LYRM4: variants seen among roughly 807,000 people sequenced by gnomAD.
LYRM4 encodes LYR motif containing 4, also known as LYR motif-containing protein 4.
LYRM4 carries 9 observed loss-of-function variants against 11.7 expected under a neutral mutation model. The observed-to-expected ratio is 0.77, with a 90% CI of 0.46 to 1.34. The LOEUF is 1.34. Ranked by LOEUF, LYRM4 falls within the 40% of genes most tolerant of loss-of-function variation. The probability of loss-of-function intolerance (pLI) is 0.00; values close to 1 mark genes in which losing one functional copy is unlikely to be tolerated. For synonymous variants in LYRM4, 42 were observed against 40.4 expected (o/e 1.04, Z -0.15); for missense variants, 133 against 112.5 (o/e 1.18, Z -0.82).
intron 2 of LYRM4, among the ~76,000 whole-genome samples, chr6:5,131,573 C>T (rs983505380): frequency 6.6e-6 from 1 of 152,106 alleles, no homozygotes; most frequent in East Asian, 1.9e-4. Flanking sequence ...CAAAAAAGCT[C>T]CCTCCAAAGA....
chr6:5,160,931 T>C (rs1251439882), intron 2 of LYRM4, among the ~76,000 whole-genome samples: 2 of 152,204 alleles, frequency 1.3e-5, no homozygotes, highest in Non-Finnish European at 2.9e-5. Flanking sequence ...CCATTTTCTG[T>C]ACCCTATGTT....
intron 2 of LYRM4, among the ~76,000 whole-genome samples, chr6:5,146,325 G>A (rs1327305095): frequency 6.6e-6 from 1 of 152,218 alleles, no homozygotes; most frequent in East Asian, 1.9e-4. Flanking sequence ...GAATGGGCCT[G>A]TGCCAGGTCT....
At chr6:5,120,242 C>A (rs1347429708) in intron 2 of LYRM4, among the ~76,000 whole-genome samples, 2 of 152,132 alleles carry the variant, frequency 1.3e-5, no homozygotes, top group African/African-American at 4.8e-5. Flanking sequence ...AAGTCGTGGG[C>A]AGCTAGCAGT....
intron 1 of LYRM4, among the ~76,000 whole-genome samples, chr6:5,232,884 A>C (rs933052655): frequency 2.6e-5 from 4 of 152,372 alleles, no homozygotes; most frequent in Non-Finnish European, 4.4e-5. Context: ...AACAAACAGC[A>C]GCTTCCCTGT....
intron 2 of LYRM4, among the ~76,000 whole-genome samples, chr6:5,152,578 G>A (rs1021324931): frequency 2.6e-5 from 4 of 152,190 alleles, no homozygotes; most frequent in African/African-American, 9.7e-5. Flanking sequence ...CCCCAGCTGC[G>A]TGTCTGTCTC....
At chr6:5,076,152 C>T in the LYRM4 span, among the ~76,000 whole-genome samples, 1 of 152,076 alleles carries the variant, frequency 6.6e-6, no homozygotes, top group Non-Finnish European at 1.5e-5. Context: ...CACCATGTTG[C>T]CCAGGCTGGT....
At chr6:5,226,141 A>G (rs748105873) in intron 1 of LYRM4, among the ~76,000 whole-genome samples, 1 of 152,080 alleles carries the variant, frequency 6.6e-6, no homozygotes, top group Non-Finnish European at 1.5e-5. Context: ...AGAAATGTTC[A>G]CTTTTTGTGT....
intron 1 of LYRM4, among the ~76,000 whole-genome samples, chr6:5,256,234 A>C (rs1238732646): frequency 2.0e-5 from 3 of 152,118 alleles, no homozygotes; most frequent in African/African-American, 7.2e-5. Flanking sequence ...TCATGCCTGT[A>C]ATCCCAGCAC....
At chr6:5,043,696 G>T in the LYRM4 span, among the ~76,000 whole-genome samples, 3 of 151,948 alleles carry the variant, frequency 2.0e-5, no homozygotes, top group Non-Finnish European at 4.4e-5. Flanking sequence ...CCCATTCCTC[G>T]GGAGTCCTCC....
intron 2 of LYRM4, among the ~76,000 whole-genome samples, chr6:5,145,011 T>G (rs1757638785): frequency 6.6e-6 from 1 of 152,180 alleles, no homozygotes; most frequent in Non-Finnish European, 1.5e-5. Context: ...CACTCTTCCC[T>G]GGGAACATAT....
intron 2 of LYRM4, among the ~76,000 whole-genome samples, chr6:5,167,009 C>T (rs913767467): frequency 2.0e-5 from 3 of 152,130 alleles, no homozygotes; most frequent in Non-Finnish European, 2.9e-5. Flanking sequence ...TGAGAGCTGC[C>T]GGCCCAGCCC....
chr6:5,206,933 A>G (rs1465823710), intron 2 of LYRM4, among the ~76,000 whole-genome samples: 1 of 152,132 alleles, frequency 6.6e-6, no homozygotes, highest in Admixed American at 6.5e-5. Flanking sequence ...GAAGATATAC[A>G]ATTTCTGACA....
the LYRM4 span, chr6:5,086,363 A>C: frequency 6.5e-7 from 1 of 1,536,000 alleles, no homozygotes; most frequent in Non-Finnish European, 8.7e-7. Context: ...GATGCCAAGA[A>C]AGAGCCAGGC....
At chr6:5,253,070 TG>T (rs1764507802) in intron 1 of LYRM4, among the ~76,000 whole-genome samples, 2 of 152,352 alleles carry the variant, frequency 1.3e-5, no homozygotes, top group South Asian at 4.1e-4. Context: ...GAGCTTGTAA[TG>T]TTTTACCCTT....
intron 2 of LYRM4, among the ~76,000 whole-genome samples, chr6:5,215,002 G>A (rs4481464): frequency 0.09 from 13,708 of 151,520 alleles, 761 homozygotes; most frequent in African/African-American, 0.15. Context: ...TCCTGGGAGG[G>A]GAACTCACTG....
intron 1 of LYRM4, among the ~76,000 whole-genome samples, chr6:5,256,758 A>G (rs939582345): frequency 3.3e-5 from 5 of 152,062 alleles, no homozygotes; most frequent in Non-Finnish European, 4.4e-5. Context: ...ATTTACACCC[A>G]AGATACCCTA....
chr6:5,158,639 A>G lies in LYRM4; in HGVS notation c.208-49148T>C, dbSNP rs540072508. ...CTACAGGCATGCACCACCATGCCCG[A>G]CTAATGTTTTACTTTTTTGTAGAGG... is the stretch of plus-strand genomic sequence containing the variant. On this transcript the variant is annotated intron_variant, in intron 2 of 2. Coordinates refer to ENST00000330636, the MANE Select transcript of LYRM4 (RefSeq NM_020408.6). 2.0e-3 allele frequency among the ~76,000 whole-genome samples: 306 copies of G among 152,020 alleles called. 2 individuals carry two copies. The highest frequency in any genetic ancestry group is 3.4e-3 in the Middle Eastern group (1 of 294).
At chr6:5,063,307 C>T in the LYRM4 span, among the ~76,000 whole-genome samples, 2 of 152,008 alleles carry the variant, frequency 1.3e-5, no homozygotes, top group Admixed American at 1.3e-4. Flanking sequence ...CTGGGCTTTT[C>T]GGATGCACTG....
chr6:5,062,804 G>C, the LYRM4 span, among the ~76,000 whole-genome samples: 1 of 152,190 alleles, frequency 6.6e-6, no homozygotes, highest in Non-Finnish European at 1.5e-5. Flanking sequence ...TCTGGAATTA[G>C]AACCTCATGG....
Sources: allele counts gnomAD v4.1 joint callset (sites outside exome capture counted in the v4.1 genomes callset), GRCh38; gene constraint gnomAD v4.1.1; transcripts MANE v1.5; gene names NCBI Gene and HGNC (gene_info 2026-07-23, HGNC 2026-07-21).